Variants in ZNF804B observed in about 807,000 individuals in gnomAD.
ZNF804B encodes the protein zinc finger 804B.
ZNF804B carries 80 observed loss-of-function variants against 101.4 expected under a neutral mutation model. That is an observed-to-expected ratio of 0.79 (90% CI 0.66 to 0.95). The LOEUF is 0.95. ZNF804B is among the 40% of genes least tolerant of loss of function. ZNF804B has a pLI of 0.00. For missense variants in ZNF804B, 1,673 were observed against 1,561.9 expected, an observed-to-expected ratio of 1.07 and a Z score of -1.20; for synonymous variants, 622 against 558.8, an observed-to-expected ratio of 1.11 and a Z score of -1.59.
At chr7:89,042,578 T>C (rs1789032093) in intron 1 of ZNF804B, among the ~76,000 whole-genome samples, 1 of 152,186 alleles carries the variant, frequency 6.6e-6, no homozygotes, top group Non-Finnish European at 1.5e-5. Flanking sequence ...TATAGTTAAG[T>C]TATAACCTTT....
chr7:89,008,193 C>CT (rs1185745300), intron 1 of ZNF804B, among the ~76,000 whole-genome samples: 1 of 152,108 alleles, frequency 6.6e-6, no homozygotes, highest in Non-Finnish European at 1.5e-5. Context: ...AGACATTTTT[C>CT]TTGACACACC....
chr7:89,333,021 G>A (rs546871114), intron 3 of ZNF804B, among the ~76,000 whole-genome samples: 11 of 151,964 alleles, frequency 7.2e-5, no homozygotes, highest in African/African-American at 2.4e-4. Flanking sequence ...TGCACTGATT[G>A]GAAAACTATT....
At chr7:89,220,150 C>CGTGTGT (rs748141296) in intron 2 of ZNF804B, among the ~76,000 whole-genome samples, 14,201 of 50,174 alleles carry the variant, frequency 0.28, 3,432 homozygotes, top group Middle Eastern at 0.4. Context: ...TGTGTATATA[C>CGTGTGT]ATATATATAT....
chr7:89,249,592 A>C (rs773727503), intron 2 of ZNF804B, among the ~76,000 whole-genome samples: 6 of 152,170 alleles, frequency 3.9e-5, no homozygotes, highest in Non-Finnish European at 8.8e-5. Context: ...ATAAATGAAA[A>C]CACAGATACA....
chr7:88,997,755 A>G (rs1416445060), intron 1 of ZNF804B, among the ~76,000 whole-genome samples: 1 of 152,068 alleles, frequency 6.6e-6, no homozygotes, highest in Non-Finnish European at 1.5e-5. Context: ...CCATTTATTC[A>G]TTTAGAAGTT....
intron 1 of ZNF804B, among the ~76,000 whole-genome samples, chr7:89,156,973 T>G (rs1790989321): frequency 6.6e-6 from 1 of 152,172 alleles, no homozygotes; most frequent in South Asian, 2.1e-4. Context: ...GGTCTACCCT[T>G]TTCGCTTATC....
At chr7:88,961,764 A>G (rs1271105731) in intron 1 of ZNF804B, among the ~76,000 whole-genome samples, 1 of 151,348 alleles carries the variant, frequency 6.6e-6, no homozygotes, top group African/African-American at 2.4e-5. Context: ...CAAAAAGTAA[A>G]GAAAAATGAT....
chr7:88,795,013 C>A (rs760517735), intron 1 of ZNF804B: 18 of 1,305,704 alleles, frequency 1.4e-5, no homozygotes, highest in Middle Eastern at 2.0e-4. Flanking sequence ...TGCCAGGGTA[C>A]CTCTTTACTG....
intron 1 of ZNF804B, among the ~76,000 whole-genome samples, chr7:88,899,057 A>G (rs1562826439): frequency 6.6e-6 from 1 of 152,152 alleles, no homozygotes; most frequent in Non-Finnish European, 1.5e-5. Context: ...GGTGAGTTCC[A>G]TTTTAGAGCC....
At chr7:89,089,353 T>C (rs1386214183) in intron 1 of ZNF804B, among the ~76,000 whole-genome samples, 1 of 147,188 alleles carries the variant, frequency 6.8e-6, no homozygotes, top group Non-Finnish European at 1.5e-5. Context: ...GGCTATGTTT[T>C]CGGAAAAATT....
At chr7:88,887,683 T>C (rs763122638) in intron 1 of ZNF804B, among the ~76,000 whole-genome samples, 4 of 152,016 alleles carry the variant, frequency 2.6e-5, no homozygotes, top group African/African-American at 4.8e-5. Flanking sequence ...TGAATCTTGA[T>C]CATAATTATA....
intron 1 of ZNF804B, among the ~76,000 whole-genome samples, chr7:89,062,870 A>C (rs2116284477): frequency 6.6e-6 from 1 of 152,282 alleles, no homozygotes; most frequent in Non-Finnish European, 1.5e-5. Flanking sequence ...CTTATGAAAT[A>C]ATAAATTTAC....
intron 1 of ZNF804B, among the ~76,000 whole-genome samples, chr7:89,142,698 A>C (rs144618350): frequency 6.6e-6 from 1 of 152,032 alleles, no homozygotes; most frequent in Non-Finnish European, 1.5e-5. Flanking sequence ...AAGTTAGTTC[A>C]ACTTTTTCAG....
At chr7:88,794,503 T>C (rs1237128280) in intron 1 of ZNF804B, 1 of 1,613,862 alleles carries the variant, frequency 6.2e-7, no homozygotes, top group South Asian at 1.1e-5. Flanking sequence ...CACTGAAACA[T>C]GCCATTGCAT....
At chr7:88,929,339 G>T (rs1401404193) in intron 1 of ZNF804B, among the ~76,000 whole-genome samples, 1 of 137,244 alleles carries the variant, frequency 7.3e-6, no homozygotes, top group Admixed American at 7.3e-5. Flanking sequence ...TATCCCTAAG[G>T]TTCTGAAAAA....
rs377731942 is a variant in ZNF804B at position 89,055,938 on chromosome 7, A to G, written c.109-162217A>G. 1.6e-3 allele frequency among the ~76,000 whole-genome samples: 237 copies of G among 152,088 alleles called. 1 individual carries two copies. The South Asian group carries it at 0.03, about 19-fold the overall frequency. On this transcript the variant is annotated intron_variant, in intron 1 of 3. Transcript: ENST00000333190. ...CTCCAAGTCTCTTCTCAGGTGGTTG[A>G]TTTTTCCTGGTTATTTGATGAGATC...
chr7:89,337,101 G>A lies in ZNF804B; in HGVS notation c.*69G>A. On this transcript the variant is annotated 3_prime_UTR_variant, in exon 4 of 4. Transcript: ENST00000333190. Reference sequence around the variant, plus strand: ...CTACCTATAAAATCATACATTTAAAGAAGTCTGTCAATTATAAGATTTAAA... The same window carrying A: ...CTACCTATAAAATCATACATTTAAAAAAGTCTGTCAATTATAAGATTTAAA... 1 of 1,424,028 alleles carries A rather than the reference G, an allele frequency of 7.0e-7. No homozygotes were observed. The highest frequency in any genetic ancestry group is 9.4e-7 in the Non-Finnish European group (1 of 1,058,736). The allele number at this position is 1,424,028 out of a possible 1,614,324, so 88.2% of individuals were successfully genotyped here.
intron 1 of ZNF804B, among the ~76,000 whole-genome samples, chr7:88,764,790 A>C (rs2698209): frequency 0.38 from 57,831 of 152,004 alleles, 13,729 homozygotes; most frequent in African/African-American, 0.68. Context: ...TTTCAAGTGC[A>C]AAATATAATT....
In ZNF804B at chr7:89,329,519, A is replaced by G. The variant is rs73388509; in HGVS notation, c.380+2045A>G. Among the ~76,000 whole-genome samples, 539 of 151,762 alleles carry G rather than the reference A, an allele frequency of 3.6e-3. 5 individuals are homozygous for G. Among genetic ancestry groups the G allele is most frequent in the African/African-American group, 0.012 (517 of 41,468 alleles). On this transcript the variant is annotated intron_variant, in intron 3 of 3. Coordinates refer to ENST00000333190, the MANE Select transcript of ZNF804B (RefSeq NM_181646.5). ...TGAATAGGATGATCCAGGTAACACA[A>G]TTCTTCTGTGACCCTTTGGGAGAAG...
Sources: allele counts gnomAD v4.1 joint callset (sites outside exome capture counted in the v4.1 genomes callset), GRCh38; gene constraint gnomAD v4.1.1; transcripts MANE v1.5; gene names NCBI Gene and HGNC (gene_info 2026-07-23, HGNC 2026-07-21).